The following ZMYM2 variants were observed in gnomAD, a reference collection of about 807,000 sequenced individuals.
ZMYM2 encodes zinc finger MYM-type protein 2.
ZMYM2 carries 56 observed loss-of-function variants against 162.8 expected under a neutral mutation model. The ratio of observed to expected loss-of-function variants is 0.34; its 90% CI spans 0.28 to 0.43. ZMYM2 has a LOEUF of 0.43. Ranked by LOEUF, ZMYM2 falls within the 20% of genes least tolerant of loss-of-function variation. The probability of loss-of-function intolerance (pLI) is 1.00; values close to 1 mark genes in which losing one functional copy is unlikely to be tolerated. For synonymous variants in ZMYM2, 510 were observed against 541.6 expected, an observed-to-expected ratio of 0.94 and a Z score of 0.81; for missense variants, 1,275 against 1,621.8, an observed-to-expected ratio of 0.79 and a Z score of 3.67.
the ZMYM2 span, among the ~76,000 whole-genome samples, chr13:19,899,032 A>G: frequency 6.7e-6 from 1 of 150,060 alleles, no homozygotes; most frequent in East Asian, 2.0e-4. Flanking sequence ...AGCTCACTGC[A>G]GCCTCCGCCT....
chr13:19,999,552 A>T (rs770236260), intron 3 of ZMYM2, among the ~76,000 whole-genome samples: 19 of 152,174 alleles, frequency 1.2e-4, no homozygotes, highest in Admixed American at 1.2e-3. Flanking sequence ...AGACACAGCA[A>T]TATTTAAATT....
At chr13:19,970,250 T>C (rs915769100) in intron 2 of ZMYM2, among the ~76,000 whole-genome samples, 9 of 152,188 alleles carry the variant, frequency 5.9e-5, no homozygotes, top group African/African-American at 1.9e-4. Context: ...TTATTTATGC[T>C]GTTGTAGTTT....
rs148906577 is a variant in ZMYM2, at chr13:20,022,622, T to C, written c.1584+3004T>C. On this transcript the variant is annotated intron_variant, in intron 7 of 24. Transcript: ENST00000610343. ...AGAAAAATTGTAAATTAAACAGTAATAGAGAAAAGTAAAACATGATGGTAT... is the reference window on the plus strand; with the variant it reads ...AGAAAAATTGTAAATTAAACAGTAACAGAGAAAAGTAAAACATGATGGTAT... Among the ~76,000 whole-genome samples the C allele has an allele frequency of 1.1e-3, 173 of 152,326 alleles. 1 individual carries two copies. In the Middle Eastern group the frequency reaches 0.017, roughly 15 times the overall value.
At chr13:20,018,578 T>C (rs1289867380) in intron 6 of ZMYM2, among the ~76,000 whole-genome samples, 1 of 152,246 alleles carries the variant, frequency 6.6e-6, no homozygotes, top group Non-Finnish European at 1.5e-5. Flanking sequence ...GTTTCTGAAG[T>C]GTATTGATAC....
intron 6 of ZMYM2, among the ~76,000 whole-genome samples, chr13:20,015,320 A>G (rs1951532387): frequency 6.6e-6 from 1 of 152,086 alleles, no homozygotes; most frequent in Non-Finnish European, 1.5e-5. Flanking sequence ...TTGGAAAGAT[A>G]CTCTGTGTGA....
At chr13:19,993,011 A>G (rs1422317932) in intron 2 of ZMYM2, 52 bp from the exon 3 acceptor site, 3 of 1,510,146 alleles carry the variant, frequency 2.0e-6, no homozygotes, top group Admixed American at 2.4e-5. Flanking sequence ...CAGTTAGAGT[A>G]ACATAAAAAG....
At chr13:20,055,003 T>G (rs530379103) in intron 14 of ZMYM2, among the ~76,000 whole-genome samples, 69 of 152,118 alleles carry the variant, frequency 4.5e-4, no homozygotes, top group African/African-American at 1.5e-3. Context: ...GTTGTTTTTT[T>G]TTTTTTTTTC....
At chr13:19,916,248 T>C in the ZMYM2 span, among the ~76,000 whole-genome samples, 1 of 152,202 alleles carries the variant, frequency 6.6e-6, no homozygotes, top group Non-Finnish European at 1.5e-5. Flanking sequence ...ATAGGAACGC[T>C]TTTACACTGT....
chr13:20,055,851 G>A (rs1475802831), intron 14 of ZMYM2, among the ~76,000 whole-genome samples: 1 of 152,036 alleles, frequency 6.6e-6, no homozygotes, highest in African/African-American at 2.4e-5. Context: ...AGGTTAATCG[G>A]GGTTAGGAAA....
chr13:19,935,934 A>G, the ZMYM2 span, among the ~76,000 whole-genome samples: 1 of 152,214 alleles, frequency 6.6e-6, no homozygotes, highest in Non-Finnish European at 1.5e-5. Flanking sequence ...CCTCTCTGTA[A>G]GCCTTTTCAG....
intron 2 of ZMYM2, among the ~76,000 whole-genome samples, chr13:19,977,490 C>A (rs1735582160): frequency 6.7e-6 from 1 of 149,522 alleles, no homozygotes; most frequent in Admixed American, 6.7e-5. Flanking sequence ...TTTTTCCTTT[C>A]CATTTCTTTT....
At chr13:19,921,047 G>T in the ZMYM2 span, among the ~76,000 whole-genome samples, 2 of 152,070 alleles carry the variant, frequency 1.3e-5, no homozygotes, top group African/African-American at 4.8e-5. Flanking sequence ...GGGATTACAG[G>T]CGTGAGCCAC....
At position 20,012,936 on chromosome 13, in the gene ZMYM2, T is replaced by G. The variant is rs1303774571; in HGVS notation, c.1512+6350T>G. ...TTTTGTCAAGATTGTTTGAATATTC[T>G]GGACCCATTCTAATTTTATATGAAT... On this transcript the variant is annotated intron_variant, in intron 6 of 24. Transcript: ENST00000610343. 4.6e-5 allele frequency among the ~76,000 whole-genome samples: 7 copies of G among 152,240 alleles called. No individual in the cohort carries two copies. In the East Asian group the frequency reaches 1.3e-3, roughly 29 times the overall value.
rs892389154 is a variant in ZMYM2, at chr13:20,043,955, G to C, written c.2292+7046G>C. Among the ~76,000 whole-genome samples the C allele has an allele frequency of 7.9e-5, 12 of 152,172 alleles. No individual in the cohort carries two copies. In the East Asian group the frequency reaches 1.5e-3, roughly 20 times the overall value. On this transcript the variant is annotated intron_variant, in intron 12 of 24. Transcript: ENST00000610343. The stretch of plus-strand genomic sequence containing the variant: ...TGCCAGGGTAGAAGCTATGATGGGG[G>C]CTTCTAGGACACTCGAGGCTGACCT...
At chr13:20,008,027 C>T (rs9315279) in intron 6 of ZMYM2, among the ~76,000 whole-genome samples, 15,642 of 152,202 alleles carry the variant, frequency 0.1, 1,311 homozygotes, top group African/African-American at 0.22. Flanking sequence ...AATAGGTGAG[C>T]AGACTACAAT....
Position 20,036,902 on chromosome 13 carries a change from A to G in ZMYM2, c.2285A>G (p.Tyr762Cys). Residue 762 changes from tyrosine (Y) to cysteine (C), a missense_variant, in exon 12 of 25, where the codon TAC (tyrosine) becomes TGC (cysteine). By Grantham distance (194) the Tyr-to-Cys change is radical. Coordinates refer to ENST00000610343, the MANE Select transcript of ZMYM2 (RefSeq NM_197968.4). ...TGCTGTAAAAAATTTCAGGATTGGTACTACAAGGCGAGTAACTCCTTTATT... is the reference window on the plus strand; with the variant it reads ...TGCTGTAAAAAATTTCAGGATTGGTGCTACAAGGCGAGTAACTCCTTTATT... ...EDCCKKFQDW[Y>C]YKAARCDCCK... is the part of the protein sequence containing the mutation. The G allele has an allele frequency of 6.2e-7, 1 of 1,607,252 alleles. No homozygotes were observed. The highest frequency in any genetic ancestry group is 8.5e-7 in the Non-Finnish European group (1 of 1,177,230).
the ZMYM2 span, among the ~76,000 whole-genome samples, chr13:19,889,286 G>A: frequency 6.6e-6 from 1 of 151,926 alleles, no homozygotes; most frequent in Non-Finnish European, 1.5e-5. Context: ...GTCCCAGTGA[G>A]TGCCTATTGG....
At chr13:20,012,428 T>C (rs749699033) in intron 6 of ZMYM2, among the ~76,000 whole-genome samples, 4 of 152,044 alleles carry the variant, frequency 2.6e-5, no homozygotes, top group Non-Finnish European at 4.4e-5. Context: ...GATCTGTCCT[T>C]CTCAGCCTCT....
At chr13:19,906,399 A>G in the ZMYM2 span, among the ~76,000 whole-genome samples, 1 of 143,914 alleles carries the variant, frequency 6.9e-6, no homozygotes, top group Non-Finnish European at 1.5e-5. Context: ...GTATGTGTGT[A>G]TATATATATG....
Sources: allele counts gnomAD v4.1 joint callset (sites outside exome capture counted in the v4.1 genomes callset), GRCh38; gene constraint gnomAD v4.1.1; transcripts MANE v1.5; gene names NCBI Gene and HGNC (gene_info 2026-07-23, HGNC 2026-07-21).